FANCB: variants seen among roughly 807,000 people sequenced by gnomAD.
The protein encoded by FANCB is FA complementation group B, also known as Fanconi anemia group B protein.
FANCB carries 5 observed loss-of-function variants against 38.9 expected under a neutral mutation model. The observed-to-expected ratio is 0.13, with a 90% CI of 0.07 to 0.27. The LOEUF (loss-of-function observed/expected upper bound fraction) is 0.27, where lower values mean the gene tolerates loss of function less well. Ranked by LOEUF, FANCB falls within the 10% of genes least tolerant of loss-of-function variation. The pLI is 1.00. For missense variants in FANCB, 573 were observed against 602.7 expected, an observed-to-expected ratio of 0.95 and a Z score of 0.52; for synonymous variants, 236 against 215.4, an observed-to-expected ratio of 1.10 and a Z score of -0.84.
the FANCB span, among the ~76,000 whole-genome samples, chrX:14,718,594 A>G: frequency 1.8e-5 from 2 of 111,875 alleles, no homozygotes; most frequent in African/African-American, 6.5e-5. Context: ...TCAAAGACAC[A>G]TGATTATTTG....
At chrX:14,699,132 C>G in the FANCB span, among the ~76,000 whole-genome samples, 1 of 112,129 alleles carries the variant, frequency 8.9e-6, no homozygotes. Flanking sequence ...GCTGATGCCC[C>G]AGGTCTATGC....
the FANCB span, among the ~76,000 whole-genome samples, chrX:14,796,519 C>CAT: frequency 4.3e-5 from 4 of 93,944 alleles, no homozygotes; most frequent in East Asian, 3.2e-4. Flanking sequence ...TAATATATAA[C>CAT]ATATATAATC....
downstream of FANCB, among the ~76,000 whole-genome samples, chrX:14,834,187 T>C (rs1161324574): frequency 1.8e-5 from 2 of 111,443 alleles, no homozygotes; most frequent in African/African-American, 3.3e-5. Flanking sequence ...TTATTTCACA[T>C]GTATATTTCT....
the FANCB span, among the ~76,000 whole-genome samples, chrX:14,708,425 A>G: frequency 1.8e-5 from 2 of 111,463 alleles, no homozygotes; most frequent in South Asian, 3.8e-4. Flanking sequence ...GATGACAGGG[A>G]CAGGAGGTAT....
chrX:14,795,511 G>A, the FANCB span, among the ~76,000 whole-genome samples: 1 of 111,277 alleles, frequency 9.0e-6, no homozygotes, highest in Non-Finnish European at 1.9e-5. Flanking sequence ...AGGAGAGAGG[G>A]TGTGATGCAC....
the FANCB span, chrX:14,730,239 T>C: frequency 8.3e-7 from 1 of 1,202,006 alleles, no homozygotes; most frequent in African/African-American, 1.7e-5. Context: ...GTCGTTTTAA[T>C]TTTAGCGGTT....
chrX:14,732,988 C>A, the FANCB span, among the ~76,000 whole-genome samples: 2 of 112,243 alleles, frequency 1.8e-5, no homozygotes, highest in African/African-American at 6.5e-5. Context: ...CCTAGATTTT[C>A]TTCTAGGGCT....
At chrX:14,708,483 G>A in the FANCB span, among the ~76,000 whole-genome samples, 1 of 111,305 alleles carries the variant, frequency 9.0e-6, no homozygotes, top group African/African-American at 3.3e-5. Flanking sequence ...CTAAGCCCTC[G>A]CTTTTGTTTG....
chrX:14,695,338 T>C, the FANCB span, among the ~76,000 whole-genome samples: 8 of 111,617 alleles, frequency 7.2e-5, no homozygotes, highest in African/African-American at 2.6e-4. Flanking sequence ...CATGGGGGGA[T>C]ATATTTTTTC....
chrX:14,704,323 T>C, the FANCB span, among the ~76,000 whole-genome samples: 1 of 112,517 alleles, frequency 8.9e-6, no homozygotes, highest in East Asian at 2.8e-4. Context: ...TGAACCTTCT[T>C]CTTTCACTAT....
the FANCB span, among the ~76,000 whole-genome samples, chrX:14,713,745 A>G: frequency 5.4e-5 from 6 of 111,340 alleles, no homozygotes; most frequent in Non-Finnish European, 7.5e-5. Flanking sequence ...AGCCCTTTAC[A>G]GAAAATGTTT....
At chrX:14,801,408 C>A in the FANCB span, among the ~76,000 whole-genome samples, 8 of 112,058 alleles carry the variant, frequency 7.1e-5, no homozygotes, top group Admixed American at 6.6e-4. Flanking sequence ...CAGCCACATA[C>A]AACCAAGCAC....
the FANCB span, among the ~76,000 whole-genome samples, chrX:14,749,626 A>T: frequency 8.9e-6 from 1 of 112,001 alleles, no homozygotes; most frequent in Non-Finnish European, 1.9e-5. Context: ...CCTCATACCC[A>T]GGCTGAGGAA....
At chrX:14,854,419 A>G (rs1399713455) in intron 5 of FANCB, among the ~76,000 whole-genome samples, 1 of 111,989 alleles carries the variant, frequency 8.9e-6, no homozygotes, top group Admixed American at 9.5e-5. Flanking sequence ...CTTGGCTGTG[A>G]AGTTTTGCTA....
chrX:14,839,925 G>A (rs2092350532), downstream of FANCB, among the ~76,000 whole-genome samples: 1 of 109,428 alleles, frequency 9.1e-6, no homozygotes, highest in Admixed American at 9.7e-5. Context: ...GCGCGATCTC[G>A]GCTCACTGCA....
At chrX:14,727,207 G>A in the FANCB span, among the ~76,000 whole-genome samples, 1 of 111,410 alleles carries the variant, frequency 9.0e-6, no homozygotes, top group Non-Finnish European at 1.9e-5. Flanking sequence ...GACTGGTCTA[G>A]AAAGGGCTGG....
At chrX:14,761,813 A>C in the FANCB span, among the ~76,000 whole-genome samples, 1 of 111,475 alleles carries the variant, frequency 9.0e-6, no homozygotes, top group Non-Finnish European at 1.9e-5. Flanking sequence ...TTTTGATAGA[A>C]TAGACAACAG....
At chrX:14,797,169 C>A in the FANCB span, among the ~76,000 whole-genome samples, 1 of 111,583 alleles carries the variant, frequency 9.0e-6, no homozygotes, top group Non-Finnish European at 1.9e-5. Context: ...ATAAAATTAA[C>A]CATCACAAAG....
At chrX:14,865,924 C>T (rs1482016932) in intron 2 of FANCB, among the ~76,000 whole-genome samples, 3 of 111,695 alleles carry the variant, frequency 2.7e-5, no homozygotes, top group Admixed American at 1.9e-4. Context: ...CTGTTTCAAA[C>T]CTAACAACTC....
Sources: gnomAD v4.1 joint callset for allele counts (sites outside exome capture counted in the v4.1 genomes callset) on GRCh38, gnomAD v4.1.1 for gene constraint, MANE v1.5 for transcripts, NCBI Gene and HGNC (gene_info 2026-07-23, HGNC 2026-07-21) for gene names.